CNOT10: variants seen among roughly 807,000 people sequenced by gnomAD.
CNOT10 encodes CCR4-NOT transcription complex, subunit 10.
CNOT10 carries 30 observed loss-of-function variants against 94.6 expected under a neutral mutation model. That is an observed-to-expected ratio of 0.32 (90% CI 0.24 to 0.43). CNOT10 has a LOEUF of 0.43. Among genes scored for constraint, CNOT10 ranks in the 20% least tolerant of loss-of-function variants. CNOT10 has a pLI of 1.00. For synonymous variants in CNOT10, 289 were observed against 301.6 expected (o/e 0.96, Z 0.43); for missense variants, 759 against 877.2 (o/e 0.87, Z 1.70).
intron 1 of CNOT10, among the ~76,000 whole-genome samples, chr3:32,689,556 T>G (rs1696766444): frequency 6.6e-6 from 1 of 152,104 alleles, no homozygotes; most frequent in East Asian, 1.9e-4. Context: ...TTGGAAAATG[T>G]CTAAAGAACA....
rs188119555 is a variant in CNOT10, at chr3:32,727,964, A to G, written c.1215+94A>G. On this transcript the variant is annotated intron_variant, in intron 10 of 18. Coordinates refer to ENST00000328834, the MANE Select transcript of CNOT10 (RefSeq NM_015442.3). ...AAAAAAAAAAACCTTGGAAACATAC[A>G]TAAGACATTTCTCTTTTTATTTATT... 342 of 799,854 alleles carry G rather than the reference A, an allele frequency of 4.3e-4. 1 individual carries two copies. In the African/African-American group the frequency reaches 5.9e-3, roughly 14 times the overall value. The allele number at this position is 799,854 out of a possible 1,614,324, so 49.5% of individuals were successfully genotyped here. A position where few individuals can be genotyped will look rare whatever the true frequency, so the allele number is the denominator to read the frequency against.
At chr3:32,736,570 T>G (rs1170181258) in intron 12 of CNOT10, among the ~76,000 whole-genome samples, 3 of 151,800 alleles carry the variant, frequency 2.0e-5, no homozygotes, top group South Asian at 2.1e-4. Flanking sequence ...AAGCTAGGAG[T>G]TCGAAGCTAG....
intron 1 of CNOT10, 71 bp from the exon 2 acceptor site, chr3:32,703,797 T>G: frequency 9.7e-7 from 1 of 1,028,976 alleles, no homozygotes; most frequent in South Asian, 1.4e-5. Flanking sequence ...CTGCAGAAAG[T>G]GAAACTGGAT....
intron 14 of CNOT10, among the ~76,000 whole-genome samples, chr3:32,760,557 G>C (rs1402082457): frequency 6.6e-6 from 1 of 152,074 alleles, no homozygotes; most frequent in Non-Finnish European, 1.5e-5. Flanking sequence ...ACTTGAGCCT[G>C]GGGGGCGGAC....
At chr3:32,702,777 C>T (rs1322587658) in intron 1 of CNOT10, among the ~76,000 whole-genome samples, 1 of 152,106 alleles carries the variant, frequency 6.6e-6, no homozygotes, top group African/African-American at 2.4e-5. Context: ...CTTGAATGTC[C>T]TCATCTACAG....
chr3:32,752,341 G>A (rs1700000883), intron 13 of CNOT10, among the ~76,000 whole-genome samples: 1 of 152,028 alleles, frequency 6.6e-6, no homozygotes, highest in South Asian at 2.1e-4. Flanking sequence ...AACCCCACAG[G>A]GCCACTAATG....
intron 9 of CNOT10, among the ~76,000 whole-genome samples, chr3:32,726,885 T>C (rs1024730664): frequency 7.4e-6 from 1 of 134,240 alleles, no homozygotes; most frequent in African/African-American, 2.7e-5. Flanking sequence ...CTCACCCTGT[T>C]GCCCAAGCTG....
intron 9 of CNOT10, among the ~76,000 whole-genome samples, chr3:32,726,694 C>CATA (rs55674577): frequency 0.062 from 8,816 of 141,660 alleles, 306 homozygotes; most frequent in Middle Eastern, 0.13. Flanking sequence ...AGACTCTGTC[C>CATA]ATAATAATAA....
intron 13 of CNOT10, among the ~76,000 whole-genome samples, chr3:32,749,447 T>C (rs1699862677): frequency 6.6e-6 from 1 of 150,790 alleles, no homozygotes; most frequent in African/African-American, 2.4e-5. Flanking sequence ...TTTGCTCTTA[T>C]TGCCCAGGCC....
chr3:32,704,772 T>C (rs373117149), intron 2 of CNOT10, 39 bp from the exon 3 acceptor site: 8 of 1,535,442 alleles, frequency 5.2e-6, no homozygotes, highest in African/African-American at 1.4e-5. Context: ...AAAGCTGGTA[T>C]GTAATTTTGT....
At chr3:32,685,785 T>C (rs1255077926) in intron 1 of CNOT10, among the ~76,000 whole-genome samples, 1 of 152,112 alleles carries the variant, frequency 6.6e-6, no homozygotes, top group Non-Finnish European at 1.5e-5. Flanking sequence ...ATTTTCCGCT[T>C]CTTCGTGGGA....
intron 13 of CNOT10, among the ~76,000 whole-genome samples, chr3:32,755,876 G>T (rs545244215): frequency 6.6e-6 from 1 of 152,016 alleles, no homozygotes; most frequent in South Asian, 2.1e-4. Context: ...TCCTCCACAG[G>T]GGGGAAAAGC....
rs773125213 is a variant in CNOT10 at position 32,708,762 on chromosome 3, G to A, written c.372G>A (p.Arg124=). The part of the protein sequence containing the change: ...YNQAVILYHL[R]QYTEAISVGE... Reference sequence around the variant, plus strand: ...AAGCAGTCATTCTTTATCATCTGCGGCAGTATACAGAAGCCATATCAGTTG... The same window carrying A: ...AAGCAGTCATTCTTTATCATCTGCGACAGTATACAGAAGCCATATCAGTTG... The change falls in exon 4 of 19, where the codon CGG becomes CGA. Residue 124 remains arginine, a synonymous_variant. Transcript: ENST00000328834. The A allele has an allele frequency of 2.5e-6, 4 of 1,613,308 alleles. No homozygotes were observed. Among genetic ancestry groups the A allele is most frequent in the Non-Finnish European group, 3.4e-6 (4 of 1,179,666 alleles).
intron 10 of CNOT10, chr3:32,730,663 G>T (rs1038409326): frequency 6.6e-6 from 1 of 152,128 alleles, no homozygotes; most frequent in Admixed American, 6.5e-5. Context: ...ATTTAGTCAG[G>T]ACAGGAGGTA....
rs1022186827 is a variant in CNOT10, at chr3:32,739,871, G to A, written c.1595+2381G>A. On this transcript the variant is annotated intron_variant, in intron 13 of 18. Transcript: ENST00000328834. ...GCCCAGGAGGCAGAAGTTGCAGTAAGCCAAGACCGCGCCGTTGCACTCCAG... is the reference window on the plus strand; with the variant it reads ...GCCCAGGAGGCAGAAGTTGCAGTAAACCAAGACCGCGCCGTTGCACTCCAG... Among the ~76,000 whole-genome samples the A allele has an allele frequency of 3.3e-5, 5 of 152,224 alleles. No individual in the cohort carries two copies. The South Asian group carries it at 6.2e-4, about 19-fold the overall frequency.
At chr3:32,713,159 A>G in intron 4 of CNOT10, 68 bp from the exon 5 acceptor site, 1 of 1,251,132 alleles carries the variant, frequency 8.0e-7, no homozygotes, top group Non-Finnish European at 1.1e-6. Context: ...ACTTTTTTGG[A>G]GGGTGGTCTG....
chr3:32,710,159 A>G (rs967187425), intron 4 of CNOT10, among the ~76,000 whole-genome samples: 63 of 151,570 alleles, frequency 4.2e-4, no homozygotes, highest in Admixed American at 2.0e-3. Flanking sequence ...AAAAAAAAAA[A>G]AAAAAAAAAA....
intron 10 of CNOT10, among the ~76,000 whole-genome samples, chr3:32,729,038 G>C (rs188823601): frequency 2.6e-5 from 4 of 152,328 alleles, no homozygotes; most frequent in Non-Finnish European, 5.9e-5. Context: ...GGAGCTTGCA[G>C]CTAGCCAAGA....
intron 10 of CNOT10, among the ~76,000 whole-genome samples, chr3:32,731,671 T>C (rs1407104786): frequency 6.6e-6 from 1 of 152,050 alleles, no homozygotes; most frequent in Non-Finnish European, 1.5e-5. Context: ...GAGGTGGAGT[T>C]TCACCACATT....
Sources: gnomAD v4.1 joint callset for allele counts (sites outside exome capture counted in the v4.1 genomes callset) on GRCh38, gnomAD v4.1.1 for gene constraint, MANE v1.5 for transcripts, NCBI Gene and HGNC (gene_info 2026-07-23, HGNC 2026-07-21) for gene names.